The following GSDMC variants were observed in gnomAD, a reference collection of about 807,000 sequenced individuals.
GSDMC encodes the protein gasdermin C, also known as gasdermin-C.
Under a neutral mutation model 58.0 loss-of-function variants are expected in GSDMC, and 59 were observed. The observed-to-expected ratio is 1.02, with a 90% CI of 0.82 to 1.26. GSDMC has a LOEUF of 1.26. Among genes scored for constraint, GSDMC ranks in the 50% most tolerant of loss-of-function variants. The pLI is 0.00. For missense variants in GSDMC, 659 were observed against 598.5 expected (o/e 1.10, Z -1.06); for synonymous variants, 241 against 220.2 (o/e 1.09, Z -0.83).
At chr8:129,753,832 C>T (rs2033323536) in intron 6 of GSDMC, among the ~76,000 whole-genome samples, 1 of 152,150 alleles carries the variant, frequency 6.6e-6, no homozygotes, top group Non-Finnish European at 1.5e-5. Context: ...AGCCCTTGGG[C>T]TGTCAGCAAA....
chr8:129,715,376 A>T, the GSDMC span, among the ~76,000 whole-genome samples: 1 of 152,184 alleles, frequency 6.6e-6, no homozygotes. Context: ...GAACACAAAA[A>T]TATCCAGCAT....
At chr8:129,721,083 G>A in the GSDMC span, among the ~76,000 whole-genome samples, 1 of 152,104 alleles carries the variant, frequency 6.6e-6, no homozygotes, top group African/African-American at 2.4e-5. Flanking sequence ...CATTTTTGTT[G>A]GTTTCACTTT....
At chr8:129,728,686 C>G in the GSDMC span, 2 of 369,130 alleles carry the variant, frequency 5.4e-6, no homozygotes, top group South Asian at 3.1e-5. Context: ...CCCAGCCACA[C>G]TGGCTGCACC....
At chr8:129,770,128 C>A (rs1176022816) in intron 3 of GSDMC, among the ~76,000 whole-genome samples, 1 of 152,118 alleles carries the variant, frequency 6.6e-6, no homozygotes, top group Non-Finnish European at 1.5e-5. Flanking sequence ...ATCTTAATAT[C>A]AATAACCTAA....
chr8:129,778,119 G>C (rs192438041), intron 1 of GSDMC, among the ~76,000 whole-genome samples: 3 of 152,182 alleles, frequency 2.0e-5, no homozygotes, highest in African/African-American at 4.8e-5. Context: ...GTTGGTGTTT[G>C]CAGTTTTACA....
At chr8:129,750,612 T>A (rs1459032000) in intron 10 of GSDMC, 42 bp from the exon 11 acceptor site, 2 of 1,599,268 alleles carry the variant, frequency 1.3e-6, no homozygotes, top group Admixed American at 3.4e-5. Flanking sequence ...TGGGGACAAG[T>A]CTTTGATTAG....
the GSDMC span, among the ~76,000 whole-genome samples, chr8:129,724,521 C>T: frequency 6.6e-6 from 1 of 150,934 alleles, no homozygotes; most frequent in Non-Finnish European, 1.5e-5. Flanking sequence ...AATACAAACT[C>T]CTGGAAGGCA....
the GSDMC span, among the ~76,000 whole-genome samples, chr8:129,713,023 T>C: frequency 3.9e-5 from 6 of 152,214 alleles, no homozygotes; most frequent in Non-Finnish European, 5.9e-5. Context: ...GTTGGATCAG[T>C]GATCTTTGCT....
chr8:129,753,595 T>C (rs1216375657), intron 6 of GSDMC, among the ~76,000 whole-genome samples: 2 of 151,740 alleles, frequency 1.3e-5, no homozygotes, highest in Non-Finnish European at 2.9e-5. Context: ...GAAAGACTCC[T>C]TCTGTTTGAG....
At chr8:129,743,517 A>G (rs2032906487), downstream of GSDMC, among the ~76,000 whole-genome samples, 1 of 152,164 alleles carries the variant, frequency 6.6e-6, no homozygotes, top group South Asian at 2.1e-4. Flanking sequence ...TAAAGTCCTT[A>G]TCAGCTAACC....
chr8:129,773,863 C>T (rs971476080), intron 3 of GSDMC, among the ~76,000 whole-genome samples: 1 of 149,730 alleles, frequency 6.7e-6, no homozygotes, highest in South Asian at 2.1e-4. Flanking sequence ...ACCAAGGAGG[C>T]GAAAGATCTA....
At chr8:129,771,002 C>T (rs999548477) in intron 3 of GSDMC, among the ~76,000 whole-genome samples, 8 of 150,214 alleles carry the variant, frequency 5.3e-5, no homozygotes, top group East Asian at 1.9e-4. Flanking sequence ...CAGACACACA[C>T]GCAGACACAT....
chr8:129,746,652 ATTC>A (rs2032968767), downstream of GSDMC, among the ~76,000 whole-genome samples: 1 of 152,232 alleles, frequency 6.6e-6, no homozygotes, highest in South Asian at 2.1e-4. Flanking sequence ...TGAAGAAAGA[ATTC>A]TTCAGGCATA....
chr8:129,760,417 A>G, intron 6 of GSDMC, 128 bp downstream of exon 6: 1 of 535,798 alleles, frequency 1.9e-6, no homozygotes, highest in South Asian at 2.9e-5. Flanking sequence ...TGAATACTCC[A>G]TTTTCCATTA....
chr8:129,749,320 A>T, intron 13 of GSDMC, 132 bp downstream of exon 13: 2 of 647,752 alleles, frequency 3.1e-6, no homozygotes, highest in Non-Finnish European at 5.6e-6. Context: ...AGGATTCCCC[A>T]GTGGCCACCC....
At chr8:129,758,753 A>G (rs1055166325) in intron 6 of GSDMC, among the ~76,000 whole-genome samples, 14 of 152,188 alleles carry the variant, frequency 9.2e-5, no homozygotes, top group African/African-American at 3.4e-4. Context: ...ATGTTCATGG[A>G]TGGGAATAAT....
At chr8:129,775,894 T>TA (rs1198039839) in intron 3 of GSDMC, among the ~76,000 whole-genome samples, 2 of 152,208 alleles carry the variant, frequency 1.3e-5, no homozygotes, top group Non-Finnish European at 2.9e-5. Context: ...AGTGGGTAGT[T>TA]ACTGCTCTAA....
intron 6 of GSDMC, among the ~76,000 whole-genome samples, chr8:129,754,608 C>A (rs760292490): frequency 6.6e-6 from 1 of 152,008 alleles, no homozygotes; most frequent in East Asian, 1.9e-4. Flanking sequence ...CACCAATGAA[C>A]GAAACAAGGC....
the GSDMC span, among the ~76,000 whole-genome samples, chr8:129,709,388 G>C: frequency 6.6e-6 from 1 of 152,116 alleles, no homozygotes; most frequent in Non-Finnish European, 1.5e-5. Flanking sequence ...ACAGTGTTCA[G>C]CTTCAAACTC....
Sources: gnomAD v4.1 joint callset for allele counts (sites outside exome capture counted in the v4.1 genomes callset) on GRCh38, gnomAD v4.1.1 for gene constraint, MANE v1.5 for transcripts, NCBI Gene and HGNC (gene_info 2026-07-23, HGNC 2026-07-21) for gene names.